Variants in CDH9 observed in about 807,000 individuals in gnomAD.
CDH9 encodes the protein cadherin-9.
A neutral mutation model predicts 70.9 loss-of-function variants in CDH9; 28 were observed. The observed-to-expected ratio is 0.40, with a 90% CI of 0.29 to 0.54. The LOEUF (loss-of-function observed/expected upper bound fraction) is 0.54. Ranked by LOEUF, CDH9 falls within the 20% of genes least tolerant of loss-of-function variation. The pLI is 0.59. For synonymous variants in CDH9, 409 were observed against 343.1 expected, an observed-to-expected ratio of 1.19 and a Z score of -2.12; for missense variants, 874 against 984.4, an observed-to-expected ratio of 0.89 and a Z score of 1.50.
intron 2 of CDH9, among the ~76,000 whole-genome samples, chr5:26,924,524 T>C (rs1741301760): frequency 6.7e-6 from 1 of 149,018 alleles, no homozygotes; most frequent in South Asian, 2.1e-4. Flanking sequence ...AGGAAATATA[T>C]ATATATTATA....
At chr5:26,959,813 T>C (rs1342429576) in intron 2 of CDH9, among the ~76,000 whole-genome samples, 2 of 151,944 alleles carry the variant, frequency 1.3e-5, no homozygotes, top group Non-Finnish European at 2.9e-5. Flanking sequence ...ATATCCAGAA[T>C]AGGTAAATAC....
chr5:26,980,518 C>A (rs1432867093), intron 2 of CDH9, among the ~76,000 whole-genome samples: 1 of 151,874 alleles, frequency 6.6e-6, no homozygotes, highest in African/African-American at 2.4e-5. Context: ...TCCATAAACA[C>A]CACCACTGCA....
intron 1 of CDH9, among the ~76,000 whole-genome samples, chr5:27,002,303 C>A (rs1478645900): frequency 6.6e-6 from 1 of 152,102 alleles, no homozygotes; most frequent in Non-Finnish European, 1.5e-5. Context: ...GAAATAGGAA[C>A]ACTTTTACAC....
chr5:26,929,008 A>G (rs376547715), intron 2 of CDH9, among the ~76,000 whole-genome samples: 1 of 152,070 alleles, frequency 6.6e-6, no homozygotes, highest in Non-Finnish European at 1.5e-5. Flanking sequence ...ATATCAAGTT[A>G]AAAAGCATCT....
intron 2 of CDH9, among the ~76,000 whole-genome samples, chr5:26,920,012 G>A (rs1741216566): frequency 6.6e-6 from 1 of 152,106 alleles, no homozygotes; most frequent in Admixed American, 6.5e-5. Context: ...GGGAAGCAGA[G>A]GGACTTTATC....
chr5:26,986,300 T>C (rs1742486984), intron 2 of CDH9, among the ~76,000 whole-genome samples: 1 of 151,976 alleles, frequency 6.6e-6, no homozygotes, highest in Non-Finnish European at 1.5e-5. Context: ...TCCTAACTTG[T>C]CCACGCATAA....
intron 1 of CDH9, among the ~76,000 whole-genome samples, chr5:27,012,401 A>T (rs1742974388): frequency 6.6e-6 from 1 of 151,916 alleles, no homozygotes; most frequent in Non-Finnish European, 1.5e-5. Flanking sequence ...AAATTTTAAA[A>T]ATCTCTTTTC....
chr5:26,943,310 G>A (rs1254548489), intron 2 of CDH9, among the ~76,000 whole-genome samples: 1 of 151,850 alleles, frequency 6.6e-6, no homozygotes, highest in Non-Finnish European at 1.5e-5. Flanking sequence ...TCGGGAGTTT[G>A]AGACCAGCCT....
At chr5:26,941,564 T>G (rs1741662462) in intron 2 of CDH9, among the ~76,000 whole-genome samples, 1 of 152,180 alleles carries the variant, frequency 6.6e-6, no homozygotes, top group South Asian at 2.1e-4. Flanking sequence ...TTCTAAACTC[T>G]AAGGTTTTCT....
At chr5:27,027,537 C>A (rs1743239957) in intron 1 of CDH9, among the ~76,000 whole-genome samples, 1 of 152,012 alleles carries the variant, frequency 6.6e-6, no homozygotes, top group Non-Finnish European at 1.5e-5. Context: ...CTTAGTTTTG[C>A]ACAGGAAGCT....
At chr5:26,947,430 C>A (rs1741773192) in intron 2 of CDH9, among the ~76,000 whole-genome samples, 1 of 152,154 alleles carries the variant, frequency 6.6e-6, no homozygotes, top group Non-Finnish European at 1.5e-5. Context: ...AGAATATGTG[C>A]ATCCAAAACA....
chr5:26,906,250 T>A, intron 4 of CDH9, 124 bp from the exon 5 acceptor site: 1 of 719,682 alleles, frequency 1.4e-6, no homozygotes, highest in Middle Eastern at 3.7e-4. Context: ...TTTAAATATG[T>A]CCTTCAATCC....
chr5:26,955,689 C>G lies in CDH9; in HGVS notation c.228+32417G>C, dbSNP rs965550908. On this transcript the variant is annotated intron_variant, in intron 2 of 11. Coordinates refer to ENST00000231021, the MANE Select transcript of CDH9 (RefSeq NM_016279.4). The stretch of plus-strand genomic sequence containing the variant: ...ATAAATGGCACTAGAGACACAGATT[C>G]CGGGATTTAGGACATGGGCGTATTT... 3.3e-5 allele frequency among the ~76,000 whole-genome samples: 5 copies of G among 152,004 alleles called. No homozygotes were observed. In the East Asian group the frequency reaches 9.7e-4, roughly 29 times the overall value.
chr5:26,896,018 T>G (rs1200216182), intron 7 of CDH9, among the ~76,000 whole-genome samples: 1 of 152,042 alleles, frequency 6.6e-6, no homozygotes, highest in Non-Finnish European at 1.5e-5. Flanking sequence ...GGTATGGCCT[T>G]GCAAATTGGC....
chr5:26,904,801 T>C (rs1740917122), intron 5 of CDH9, among the ~76,000 whole-genome samples: 1 of 152,218 alleles, frequency 6.6e-6, no homozygotes, highest in African/African-American at 2.4e-5. Context: ...ATGATAGTAA[T>C]TCACTCATAG....
At chr5:26,926,303 C>CA (rs144898741) in intron 2 of CDH9, among the ~76,000 whole-genome samples, 152,169 of 152,182 alleles carry the variant, frequency 1, 76,078 homozygotes, top group East Asian at 1. Flanking sequence ...CAATAACAGA[C>CA]AACAGAGAGA....
intron 7 of CDH9, among the ~76,000 whole-genome samples, chr5:26,900,516 A>G (rs1014449465): frequency 3.9e-5 from 6 of 152,082 alleles, no homozygotes; most frequent in Non-Finnish European, 8.8e-5. Context: ...CCCAGCATTT[A>G]CTGAATTCCT....
chr5:26,885,266 A>G (rs997183185), intron 11 of CDH9, among the ~76,000 whole-genome samples: 1 of 152,194 alleles, frequency 6.6e-6, no homozygotes, highest in African/African-American at 2.4e-5. Context: ...TCTCTAGAAG[A>G]AAAGTATTTA....
chr5:26,892,924 A>T (rs1740685878), intron 7 of CDH9, among the ~76,000 whole-genome samples: 1 of 151,792 alleles, frequency 6.6e-6, no homozygotes, highest in Non-Finnish European at 1.5e-5. Flanking sequence ...TAGTAGAGAC[A>T]GGGTTTCACC....
Sources: gnomAD v4.1 joint callset for allele counts (sites outside exome capture counted in the v4.1 genomes callset) on GRCh38, gnomAD v4.1.1 for gene constraint, MANE v1.5 for transcripts, NCBI Gene and HGNC (gene_info 2026-07-23, HGNC 2026-07-21) for gene names.